The following ARMH3 variants were observed in gnomAD, a reference collection of about 807,000 sequenced individuals.
The protein encoded by ARMH3 is armadillo like helical domain containing 3, also known as armadillo-like helical domain-containing protein 3.
In ARMH3, 60 loss-of-function variants were observed where a neutral mutation model predicts 99.1. The ratio of observed to expected loss-of-function variants is 0.61; its 90% confidence interval spans 0.49 to 0.75. The LOEUF is 0.75. Among genes scored for constraint, ARMH3 ranks in the 30% least tolerant of loss-of-function variants. ARMH3 has a pLI of 0.00. For synonymous variants in ARMH3, 285 were observed against 292.8 expected (o/e 0.97, Z 0.27); for missense variants, 679 against 843.1 (o/e 0.81, Z 2.41).
chr10:101,856,511 A>G (rs1321923265), intron 24 of ARMH3, among the ~76,000 whole-genome samples: 1 of 151,934 alleles, frequency 6.6e-6, no homozygotes, highest in Non-Finnish European at 1.5e-5. Context: ...GACTGTCATC[A>G]TTCTGTTCCA....
At chr10:101,986,513 G>A (rs1344602781) in intron 19 of ARMH3, among the ~76,000 whole-genome samples, 3 of 151,294 alleles carry the variant, frequency 2.0e-5, no homozygotes, top group South Asian at 2.1e-4. Context: ...ACACACAGAT[G>A]TGAAATTGTT....
At chr10:102,003,408 C>T (rs1035739332) in intron 14 of ARMH3, among the ~76,000 whole-genome samples, 45 of 152,300 alleles carry the variant, frequency 3.0e-4, no homozygotes, top group African/African-American at 1.1e-3. Context: ...GCAATCCACC[C>T]ACCTCGGGCC....
intron 17 of ARMH3, among the ~76,000 whole-genome samples, chr10:101,993,252 G>A (rs542165983): frequency 1.4e-5 from 2 of 143,950 alleles, no homozygotes; most frequent in Non-Finnish European, 3.0e-5. Context: ...GCCTGGGGGG[G>A]AGAGAGAGAG....
intron 23 of ARMH3, among the ~76,000 whole-genome samples, chr10:101,910,803 C>CATTTATATGACATTCTGGAAATGGCA (rs1842835485): frequency 6.7e-6 from 1 of 150,096 alleles, no homozygotes; most frequent in Non-Finnish European, 1.5e-5. Flanking sequence ...AGGTCAAGCC[C>CATTTATATGACATTCTGGAAATGGCA]AAGCCATGCC....
At chr10:101,947,690 C>T (rs944926596) in intron 22 of ARMH3, among the ~76,000 whole-genome samples, 9 of 151,996 alleles carry the variant, frequency 5.9e-5, no homozygotes, top group African/African-American at 2.2e-4. Flanking sequence ...ATCCCAACTA[C>T]TTGGGAGGCT....
chr10:101,874,676 A>C (rs907081363), intron 24 of ARMH3, among the ~76,000 whole-genome samples: 2 of 152,190 alleles, frequency 1.3e-5, no homozygotes, highest in Admixed American at 1.3e-4. Context: ...AGGACACCTA[A>C]CGAGGGTTCT....
chr10:102,018,949 T>TC (rs915450109), intron 8 of ARMH3, among the ~76,000 whole-genome samples: 1 of 151,712 alleles, frequency 6.6e-6, no homozygotes, highest in African/African-American at 2.4e-5. Flanking sequence ...GGAGTGAGAC[T>TC]CCGTCTCAAA....
intron 19 of ARMH3, among the ~76,000 whole-genome samples, chr10:101,980,585 C>T (rs982492672): frequency 5.3e-5 from 8 of 152,278 alleles, no homozygotes; most frequent in East Asian, 3.9e-4. Flanking sequence ...AGGCGGGAGC[C>T]ACCGTGCCCA....
intron 20 of ARMH3, among the ~76,000 whole-genome samples, chr10:101,967,829 G>A (rs762607210): frequency 2.6e-5 from 4 of 152,242 alleles, no homozygotes; most frequent in Non-Finnish European, 4.4e-5. Flanking sequence ...CTGACACAGA[G>A]GCCAAAGAAT....
At chr10:101,847,690 A>T in intron 25 of ARMH3, 70 bp from the exon 26 acceptor site, 1 of 1,393,216 alleles carries the variant, frequency 7.2e-7, no homozygotes, top group Non-Finnish European at 1.0e-6. Flanking sequence ...TCAGTTCTAA[A>T]CGGCAGAGGA....
rs1419829963 is a variant in ARMH3 at position 101,846,145 on chromosome 10, A to T, written c.*1383T>A. 1 of 152,392 alleles carries T rather than the reference A, an allele frequency of 6.6e-6. No individual in the cohort carries two copies. Among genetic ancestry groups the T allele is most frequent in the African/African-American group, 2.4e-5 (1 of 41,412 alleles). 9.4% of individuals were successfully genotyped at this position (152,392 alleles called of 1,614,324 possible). The stretch of plus-strand genomic sequence containing the variant: ...GTGGCCCCACCCAGAATCTGAGCGG[A>T]CAGAATGGAGGCCTTATGCATGATG... On this transcript the variant is annotated 3_prime_UTR_variant, in exon 26 of 26. Coordinates refer to ENST00000370033, the MANE Select transcript of ARMH3 (RefSeq NM_024541.3).
intron 15 of ARMH3, among the ~76,000 whole-genome samples, chr10:101,999,807 G>C (rs182432205): frequency 6.6e-6 from 1 of 152,110 alleles, no homozygotes; most frequent in Non-Finnish European, 1.5e-5. Context: ...CAGCCAGGCC[G>C]GGCGTGGTGG....
intron 23 of ARMH3, among the ~76,000 whole-genome samples, chr10:101,906,574 T>C (rs1382100144): frequency 6.6e-6 from 1 of 152,138 alleles, no homozygotes; most frequent in African/African-American, 2.4e-5. Context: ...GAAGGCAGGG[T>C]TGAAAGAACC....
intron 23 of ARMH3, among the ~76,000 whole-genome samples, chr10:101,928,799 C>T (rs1008363749): frequency 2.6e-5 from 4 of 152,140 alleles, no homozygotes; most frequent in South Asian, 2.1e-4. Context: ...GGTGCGATCT[C>T]GGCTCACTGC....
In ARMH3 at chr10:102,029,710, C is replaced by G; in HGVS notation, c.342G>C (p.Lys114Asn). ...LCALIRGVHQ[K>N]NKSTSGFDII... ...TGTCAAACCCAGAGGTAGACTTATT[C>G]TTTTGATGGACTCCTCGAATGAGTG... The change falls in exon 5 of 26, where the codon AAG becomes AAC. Residue 114 changes from lysine to asparagine, a missense_variant. Coordinates refer to ENST00000370033, the MANE Select transcript of ARMH3 (RefSeq NM_024541.3). The G allele has an allele frequency of 3.1e-6, 5 of 1,614,134 alleles. No homozygotes were observed. The highest frequency in any genetic ancestry group is 2.2e-5 in the South Asian group (2 of 91,080).
In ARMH3 at chr10:102,010,029, G is replaced by A; in HGVS notation, c.832-6C>T. On this transcript the variant is annotated splice_region_variant and splice_polypyrimidine_tract_variant and intron_variant, in intron 11 of 25. Transcript: ENST00000370033. Reference sequence around the variant, plus strand: ...GCTATGAACATGCTGCCCACCTGTGGAAGAAAAGGGGAATTGCAAACTTAT... The same window carrying A: ...GCTATGAACATGCTGCCCACCTGTGAAAGAAAAGGGGAATTGCAAACTTAT... The A allele has an allele frequency of 6.2e-7, 1 of 1,613,650 alleles. No individual in the cohort carries two copies.
chr10:101,974,025 T>C (rs1387781808), intron 20 of ARMH3, among the ~76,000 whole-genome samples: 2 of 152,198 alleles, frequency 1.3e-5, no homozygotes, highest in Non-Finnish European at 2.9e-5. Flanking sequence ...CTGTTGGTCA[T>C]TTCCATCTCT....
intron 23 of ARMH3, among the ~76,000 whole-genome samples, chr10:101,903,889 T>C (rs1589993196): frequency 1.3e-5 from 2 of 152,358 alleles, no homozygotes; most frequent in South Asian, 2.1e-4. Flanking sequence ...AAGATGCTCA[T>C]GGAGACAGGC....
chr10:101,983,169 CAGGGAGACCAAGGCATGATTAG>C (rs1219313024), intron 19 of ARMH3, among the ~76,000 whole-genome samples: 1 of 152,174 alleles, frequency 6.6e-6, no homozygotes, highest in Non-Finnish European at 1.5e-5. Context: ...GGTTGGTCAC[CAGGGAGACCAAGGCATGATTAG>C]CGAGCTGGGC....
Sources: gnomAD v4.1 joint callset for allele counts (sites outside exome capture counted in the v4.1 genomes callset) on GRCh38, gnomAD v4.1.1 for gene constraint, MANE v1.5 for transcripts, NCBI Gene and HGNC (gene_info 2026-07-23, HGNC 2026-07-21) for gene names.